Variants in STK10 observed in about 807,000 individuals in gnomAD.
The protein encoded by STK10 is serine/threonine kinase 10.
Under a neutral mutation model 113.8 loss-of-function variants are expected in STK10, and 78 were observed. The ratio of observed to expected loss-of-function variants is 0.69; its 90% CI spans 0.57 to 0.83. The LOEUF is 0.83. Ranked by LOEUF, STK10 falls within the 40% of genes least tolerant of loss-of-function variation. The pLI is 0.00. For synonymous variants in STK10, 465 were observed against 494.7 expected, an observed-to-expected ratio of 0.94 and a Z score of 0.80; for missense variants, 1,109 against 1,280.1, an observed-to-expected ratio of 0.87 and a Z score of 2.04.
intron 2 of STK10, among the ~76,000 whole-genome samples, chr5:172,130,869 T>C (rs1769739467): frequency 1.3e-5 from 2 of 152,220 alleles, no homozygotes; most frequent in South Asian, 4.1e-4. Flanking sequence ...GTAAGTTTCA[T>C]GCTTAGATCA....
chr5:172,101,752 C>T lies in STK10; in HGVS notation c.870+3904G>A, dbSNP rs1212214870. 2.6e-5 allele frequency among the ~76,000 whole-genome samples: 4 copies of T among 152,086 alleles called. No individual in the cohort carries two copies. In the East Asian group the frequency reaches 5.8e-4, roughly 22 times the overall value. ...ATTTCATGTGGGTGGTTGGGGGAGG[C>T]CTCACCACAAGGCTGACATTAGAGC... is the stretch of plus-strand genomic sequence containing the variant. On this transcript the variant is annotated intron_variant, in intron 7 of 18. Transcript: ENST00000176763.
intron 12 of STK10, among the ~76,000 whole-genome samples, chr5:172,079,459 G>GT (rs1215193672): frequency 1.3e-5 from 2 of 152,054 alleles, no homozygotes; most frequent in Non-Finnish European, 2.9e-5. Flanking sequence ...GTTGGCAACT[G>GT]TTTTATTTGT....
At chr5:172,154,302 A>G (rs892267775) in intron 2 of STK10, among the ~76,000 whole-genome samples, 1 of 152,216 alleles carries the variant, frequency 6.6e-6, no homozygotes, top group African/African-American at 2.4e-5. Context: ...AGATGGAGGG[A>G]TAAGTCTTCA....
chr5:172,082,541 G>C lies in STK10; in HGVS notation c.1810-36C>G. On this transcript the variant is annotated intron_variant, in intron 11 of 18. Coordinates refer to ENST00000176763, the MANE Select transcript of STK10 (RefSeq NM_005990.4). The surrounding 1 kb of genome is among the most constrained non-coding windows in gnomAD (Gnocchi z 4.3). ...CAGAAATTCTGAGAAACTTAGCGAA[G>C]TCACTTTATACCTGGGAGGGACATG... The C allele has an allele frequency of 6.5e-7, 1 of 1,546,110 alleles. No individual in the cohort carries two copies. Among genetic ancestry groups the C allele is most frequent in the Non-Finnish European group, 8.7e-7 (1 of 1,147,956 alleles).
intron 1 of STK10, among the ~76,000 whole-genome samples, chr5:172,158,086 C>T (rs1212684908): frequency 3.9e-5 from 6 of 152,144 alleles, no homozygotes; most frequent in Non-Finnish European, 8.8e-5. Flanking sequence ...AAACTCCACA[C>T]ACACTAAGAT....
intron 1 of STK10, among the ~76,000 whole-genome samples, chr5:172,158,882 G>C (rs1178049585): frequency 6.6e-6 from 1 of 152,188 alleles, no homozygotes; most frequent in Non-Finnish European, 1.5e-5. Flanking sequence ...CCAGGGGTTA[G>C]AAAGGGGAAA....
In STK10 at chr5:172,156,735, C is replaced by T; in HGVS notation, c.210G>A (p.Lys70=). Reference sequence around the variant, plus strand: ...TGTAGTCCTCCAGCTCCTCCTCACTCTTGGTTTCAATGACTTTGGCCGCAG... The same window carrying T: ...TGTAGTCCTCCAGCTCCTCCTCACTTTTGGTTTCAATGACTTTGGCCGCAG... ...ALAAAKVIET[K]SEEELEDYIV... Residue 70 remains lysine, a synonymous_variant, in exon 2 of 19, where the codon AAG becomes AAA. Transcript: ENST00000176763. 2 of 1,614,170 alleles carry T rather than the reference C, an allele frequency of 1.2e-6. No individual in the cohort carries two copies. The highest frequency in any genetic ancestry group is 2.2e-5 in the South Asian group (2 of 91,084).
At chr5:172,066,213 G>A (rs992682428) in intron 12 of STK10, among the ~76,000 whole-genome samples, 1 of 152,214 alleles carries the variant, frequency 6.6e-6, no homozygotes, top group African/African-American at 2.4e-5. Context: ...TGAAAACTCT[G>A]CATCAAATAT....
chr5:172,052,820 C>T (rs1767656783), intron 18 of STK10, 109 bp downstream of exon 18: 10 of 1,038,754 alleles, frequency 9.6e-6, no homozygotes. Flanking sequence ...GATGGTGCCA[C>T]AAAGCAAGAG....
intron 12 of STK10, among the ~76,000 whole-genome samples, chr5:172,069,585 T>C (rs992054054): frequency 6.6e-6 from 1 of 152,096 alleles, no homozygotes; most frequent in African/African-American, 2.4e-5. Flanking sequence ...TAGACTTCCA[T>C]TGCAAAGAAA....
rs748832837 is a variant in STK10, at chr5:172,083,091, G to A, written c.1686-7C>T. On this transcript the variant is annotated splice_region_variant and splice_polypyrimidine_tract_variant and intron_variant, in intron 10 of 18. Coordinates refer to ENST00000176763, the MANE Select transcript of STK10 (RefSeq NM_005990.4). ...CTCTCGGAGTTCCTGGCGCCTGAAA[G>A]GTTAAAGGATACAGATATTTCACAG... The A allele has an allele frequency of 1.2e-6, 2 of 1,613,950 alleles. No homozygotes were observed. The highest frequency in any genetic ancestry group is 1.7e-5 in the Admixed American group (1 of 59,972).
At chr5:172,156,354 T>A (rs1378653616) in intron 2 of STK10, among the ~76,000 whole-genome samples, 1 of 152,166 alleles carries the variant, frequency 6.6e-6, no homozygotes. Flanking sequence ...GGAACTTGGT[T>A]AGGATTATTA....
Position 172,074,804 on chromosome 5 carries a change from A to C in STK10, c.1989+7522T>G, listed in dbSNP as rs751635263. ...GAAACCGAAGCAGGCGGATCACTTG[A>C]GGTCAGGAGTTTAAGGCCAGCCTGG... is the stretch of plus-strand genomic sequence containing the variant. On this transcript the variant is annotated intron_variant, in intron 12 of 18. Coordinates refer to ENST00000176763, the MANE Select transcript of STK10 (RefSeq NM_005990.4). 1.8e-4 allele frequency among the ~76,000 whole-genome samples: 27 copies of C among 152,302 alleles called. No homozygotes were observed. The Middle Eastern group carries it at 0.014, about 77-fold the overall frequency.
chr5:172,071,034 C>T (rs1006896292), intron 12 of STK10, among the ~76,000 whole-genome samples: 2 of 151,102 alleles, frequency 1.3e-5, no homozygotes, highest in Non-Finnish European at 3.0e-5. Flanking sequence ...ATGGTGAGAG[C>T]CCATGTCTAC....
intron 18 of STK10, among the ~76,000 whole-genome samples, chr5:172,045,729 G>A (rs1767483118): frequency 1.3e-5 from 2 of 151,982 alleles, no homozygotes; most frequent in Non-Finnish European, 2.9e-5. Flanking sequence ...TTGCTCTGTC[G>A]CCCAGGCTGG....
intron 18 of STK10, among the ~76,000 whole-genome samples, chr5:172,048,927 G>A (rs967164068): frequency 6.6e-6 from 1 of 151,974 alleles, no homozygotes; most frequent in Non-Finnish European, 1.5e-5. Flanking sequence ...AAGGTGTCCG[G>A]GCCTTTGCAG....
At position 172,057,354 on chromosome 5, in the gene STK10, C is replaced by G. The variant is rs1476006247; in HGVS notation, c.2332G>C (p.Glu778Gln). Residue 778 changes from glutamate to glutamine, a missense_variant, in exon 15 of 19, where the codon GAG (glutamate) becomes CAG (glutamine). This residue lies in a region of STK10 where 885 missense variants were observed against 991.1 expected (regional missense o/e 0.89). Coordinates refer to ENST00000176763, the MANE Select transcript of STK10 (RefSeq NM_005990.4). Reference protein sequence around the residue: ...LQRHELLRKHEKEREQMQRYN... With the variant: ...LQRHELLRKHQKEREQMQRYN... The stretch of plus-strand genomic sequence containing the variant: ...CGTGCCACCGGCAGCCTCACCTTCT[C>G]ATGCTTGCGCAGCAGCTCGTGCCGC... The G allele has an allele frequency of 4.4e-6, 7 of 1,578,030 alleles. No individual in the cohort carries two copies. Among genetic ancestry groups the G allele is most frequent in the Non-Finnish European group, 6.0e-6 (7 of 1,162,382 alleles).
intron 7 of STK10, among the ~76,000 whole-genome samples, chr5:172,099,253 C>T (rs1017807493): frequency 1.3e-5 from 2 of 152,102 alleles, no homozygotes; most frequent in Non-Finnish European, 2.9e-5. Context: ...CAGAAAAGCC[C>T]GTTATGGCCC....
At chr5:172,105,840 G>T in intron 6 of STK10, 103 bp from the exon 7 acceptor site, 1 of 1,048,330 alleles carries the variant, frequency 9.5e-7, no homozygotes, top group Non-Finnish European at 1.4e-6. Flanking sequence ...TCAAAGGACA[G>T]AGGAAACTTT....
Sources: allele counts gnomAD v4.1 joint callset (sites outside exome capture counted in the v4.1 genomes callset), GRCh38; gene constraint gnomAD v4.1.1; regional missense constraint gnomAD v4.1.1; non-coding constraint Gnocchi (gnomAD v3.1); transcripts MANE v1.5; gene names NCBI Gene and HGNC (gene_info 2026-07-23, HGNC 2026-07-21).